The following KAT6A variants were observed in gnomAD, a reference collection of about 807,000 sequenced individuals.
KAT6A encodes the protein histone acetyltransferase KAT6A.
KAT6A carries 9 observed loss-of-function variants against 198.4 expected under a neutral mutation model. The observed-to-expected ratio is 0.05, with a 90% confidence interval of 0.03 to 0.08. The LOEUF (loss-of-function observed/expected upper bound fraction) is 0.08, where lower values mean the gene tolerates loss of function less well. KAT6A is among the 10% of genes least tolerant of loss of function. The pLI is 1.00. For missense variants in KAT6A, 2,077 were observed against 2,509.9 expected (o/e 0.83, Z 3.69); for synonymous variants, 890 against 883.0 (o/e 1.01, Z -0.14).
At chr8:41,940,697 G>T in intron 15 of KAT6A, 145 bp downstream of exon 15, 1 of 957,350 alleles carries the variant, frequency 1.0e-6, no homozygotes, top group Non-Finnish European at 1.5e-6. Context: ...AAGATCTTGA[G>T]CTACAATATA....
chr8:41,993,449 A>G (rs566549404), intron 2 of KAT6A, among the ~76,000 whole-genome samples: 3 of 152,380 alleles, frequency 2.0e-5, no homozygotes, highest in Admixed American at 1.3e-4. Flanking sequence ...GTCAAGCTGT[A>G]TAAAAACAGT....
intron 8 of KAT6A, chr8:41,974,290 G>C (rs551674769): frequency 1.5e-4 from 23 of 152,496 alleles, no homozygotes; most frequent in Admixed American, 3.3e-4. Context: ...TTTTGCCCCA[G>C]CTGGTCTCAA....
At chr8:41,966,517 T>C (rs79717462) in intron 8 of KAT6A, among the ~76,000 whole-genome samples, 2,980 of 152,166 alleles carry the variant, frequency 0.02, 103 homozygotes, top group East Asian at 0.13. Context: ...TAGTAGTCAT[T>C]GCTTCCTCAA....
At chr8:41,940,748 T>C in intron 15 of KAT6A, 94 bp downstream of exon 15, 12 of 1,456,040 alleles carry the variant, frequency 8.2e-6, no homozygotes, top group Non-Finnish European at 1.0e-5. Flanking sequence ...TAGGAATTTC[T>C]AACTTATACT....
rs369725378 is a variant in KAT6A at position 41,934,283 on chromosome 8, C to T, written c.3937G>A (p.Asp1313Asn). 2.2e-5 allele frequency: 35 copies of T among 1,614,104 alleles called. No individual in the cohort carries two copies. In the East Asian group the frequency reaches 3.1e-4, roughly 14 times the overall value. ...DAAAETAQND[D>N]HDADDEDDGH... ...TCATCCTCATCATCAGCGTCGTGGTCGTCATTCTGGGCAGTCTCTGCAGCT... is the reference window on the plus strand; with the variant it reads ...TCATCCTCATCATCAGCGTCGTGGTTGTCATTCTGGGCAGTCTCTGCAGCT... Residue 1313 changes from aspartate to asparagine, a missense_variant, in exon 17 of 17, where the codon GAC becomes AAC. Asp to Asn is a conservative substitution (Grantham distance 23, BLOSUM62 1). Coordinates refer to ENST00000265713, the MANE Select transcript of KAT6A (RefSeq NM_006766.5).
At chr8:42,041,049 G>A (rs1289702111) in intron 2 of KAT6A, among the ~76,000 whole-genome samples, 2 of 151,812 alleles carry the variant, frequency 1.3e-5, no homozygotes, top group Non-Finnish European at 2.9e-5. Context: ...ACAAAAATTA[G>A]CCAGGCATGG....
chr8:42,012,728 C>T (rs1826081098), intron 2 of KAT6A, among the ~76,000 whole-genome samples: 1 of 152,184 alleles, frequency 6.6e-6, no homozygotes, highest in African/African-American at 2.4e-5. Context: ...CCACAGGAAA[C>T]TACTGTACTA....
chr8:41,959,234 C>A (rs1204161285), intron 8 of KAT6A, among the ~76,000 whole-genome samples: 5 of 151,114 alleles, frequency 3.3e-5, no homozygotes, highest in Non-Finnish European at 7.4e-5. Flanking sequence ...GGCCAATAAG[C>A]TCATGAAAAG....
In KAT6A at chr8:41,932,798, C is replaced by A; in HGVS notation, c.5422G>T (p.Ala1808Ser). The A allele has an allele frequency of 6.2e-7, 1 of 1,614,094 alleles. No homozygotes were observed. Among genetic ancestry groups the A allele is most frequent in the Non-Finnish European group, 8.5e-7 (1 of 1,179,990 alleles). The change falls in exon 17 of 17, where the codon GCC becomes TCC. Residue 1808 changes from alanine (A) to serine (S), a missense_variant. By Grantham distance (99) the Ala-to-Ser change is moderately conservative (BLOSUM62 1). Around this residue, in one of 13 missense-constraint regions of KAT6A, gnomAD observed 500 missense variants for 577.2 expected, o/e 0.87. Transcript: ENST00000265713. ...AAGTTTGGGGGTGGCGTCATGGTGG[C>A]TTGTGCTTGAGGAGTCCCAGCTAAG... ...HPLAGTPQAQATMTPPPNLAS... is the reference protein window; with the variant it reads ...HPLAGTPQAQSTMTPPPNLAS...
rs145436847 is a variant in KAT6A at position 41,933,736 on chromosome 8, C to T, written c.4484G>A (p.Arg1495His). 211 of 1,614,120 alleles carry T rather than the reference C, an allele frequency of 1.3e-4. No individual in the cohort carries two copies. The East Asian group carries it at 4.5e-3, about 34-fold the overall frequency. Residue 1495 changes from arginine (R) to histidine (H), a missense_variant, in exon 17 of 17, where the codon CGT becomes CAT. This residue lies in a region of KAT6A where 178 missense variants were observed against 220.8 expected (regional missense o/e 0.81). Coordinates refer to ENST00000265713, the MANE Select transcript of KAT6A (RefSeq NM_006766.5). This position sits in a 1 kb window ranked among gnomAD's most constrained non-coding sequence, Gnocchi z 6.2. ...SVQSHPSQSVRSVSSPNVPAL... is the reference protein window; with the variant it reads ...SVQSHPSQSVHSVSSPNVPAL... ...AGGCACGTTGGGACTGCTGACCGAA[C>T]GGACTGACTGGCTGGGGTGAGACTG... is the stretch of plus-strand genomic sequence containing the variant.
Position 41,932,507 on chromosome 8 carries a change from G to C in KAT6A, c.5713C>G (p.Pro1905Ala). Residue 1905 changes from proline (P) to alanine (A), a missense_variant, in exon 17 of 17, where the codon CCT becomes GCT. Physicochemically the swap from Pro to Ala is conservative, Grantham distance 27. This residue lies in a region of KAT6A where 500 missense variants were observed against 577.2 expected (regional missense o/e 0.87). Coordinates refer to ENST00000265713, the MANE Select transcript of KAT6A (RefSeq NM_006766.5). ...RGMNMGVNLM[P>A]TPAYNVNSMN... ...GAATTGACATTATAGGCGGGAGTAG[G>C]CATCAGATTAACCCCCATGTTCATG... 6.2e-7 allele frequency: 1 copy of C among 1,614,264 alleles called. No homozygotes were observed. The highest frequency in any genetic ancestry group is 2.2e-5 in the East Asian group (1 of 44,888).
intron 12 of KAT6A, among the ~76,000 whole-genome samples, chr8:41,945,825 G>A (rs1267811188): frequency 2.6e-5 from 4 of 152,056 alleles, no homozygotes; most frequent in South Asian, 4.2e-4. Context: ...TCAGGAGATC[G>A]AGACCATCCT....
At chr8:41,955,572 T>A (rs1454735749) in intron 8 of KAT6A, among the ~76,000 whole-genome samples, 161 bp from the exon 9 acceptor site, 2 of 152,232 alleles carry the variant, frequency 1.3e-5, no homozygotes, top group Non-Finnish European at 2.9e-5. Flanking sequence ...GTTATATTAT[T>A]CCTTAAACAG....
intron 2 of KAT6A, among the ~76,000 whole-genome samples, chr8:41,992,428 T>C (rs1392857641): frequency 1.3e-5 from 2 of 152,178 alleles, no homozygotes; most frequent in Non-Finnish European, 1.5e-5. Flanking sequence ...TATTTAAATG[T>C]AGAAGAGAAG....
At chr8:41,942,710 G>C in intron 14 of KAT6A, 83 bp downstream of exon 14, 1 of 1,401,482 alleles carries the variant, frequency 7.1e-7, no homozygotes, top group Non-Finnish European at 9.8e-7. Flanking sequence ...TGTGAAAGAT[G>C]ATCATAATAC....
At chr8:42,027,608 T>C (rs1826888800) in intron 2 of KAT6A, among the ~76,000 whole-genome samples, 2 of 152,202 alleles carry the variant, frequency 1.3e-5, no homozygotes, top group African/African-American at 4.8e-5. Flanking sequence ...TTGCTGACGA[T>C]CCTTTGTACT....
intron 14 of KAT6A, 30 bp downstream of exon 14, chr8:41,942,763 A>G: frequency 2.5e-6 from 4 of 1,606,270 alleles, no homozygotes; most frequent in Non-Finnish European, 3.4e-6. Flanking sequence ...ATCTTCTGTC[A>G]TCAAAAATAG....
intron 2 of KAT6A, among the ~76,000 whole-genome samples, chr8:42,007,747 G>A (rs1393631299): frequency 6.6e-6 from 1 of 152,006 alleles, no homozygotes; most frequent in Non-Finnish European, 1.5e-5. Context: ...TGGATCACGA[G>A]GTCAGGAGAT....
At chr8:41,981,047 C>A in intron 4 of KAT6A, 120 bp from the exon 5 acceptor site, 1 of 721,186 alleles carries the variant, frequency 1.4e-6, no homozygotes, top group Admixed American at 2.0e-5. Flanking sequence ...AAGCCAGGCG[C>A]AATGGCTCAC....
Sources: gnomAD v4.1 joint callset for allele counts (sites outside exome capture counted in the v4.1 genomes callset) on GRCh38, gnomAD v4.1.1 for gene constraint, gnomAD v4.1.1 regional missense constraint, Gnocchi (gnomAD v3.1) non-coding constraint, MANE v1.5 for transcripts, NCBI Gene and HGNC (gene_info 2026-07-23, HGNC 2026-07-21) for gene names.